The following CLDN16 variants were observed in gnomAD, a reference collection of about 807,000 sequenced individuals.
CLDN16 encodes claudin 16, also known as claudin-16.
A neutral mutation model predicts 24.6 loss-of-function variants in CLDN16; 13 were observed. That is an observed-to-expected ratio of 0.53 (90% CI 0.34 to 0.84). The LOEUF (loss-of-function observed/expected upper bound fraction) is 0.84. CLDN16 is among the 40% of genes least tolerant of loss of function. CLDN16 has a pLI of 0.01. For missense variants in CLDN16, 298 were observed against 292.7 expected (o/e 1.02, Z -0.13); for synonymous variants, 116 against 106.7 (o/e 1.09, Z -0.54).
chr3:190,388,523 A>G, intron 1 of CLDN16, 80 bp downstream of exon 1: 2 of 1,185,176 alleles, frequency 1.7e-6, no homozygotes, highest in African/African-American at 1.5e-5. Flanking sequence ...TACAACATTC[A>G]GTATCTTTAC....
rs766553260 is a variant in CLDN16 at position 190,409,904 on chromosome 3, T to A, written c.576T>A (p.Asp192Glu). ...VLTCCLYLFK[D>E]VGPERNYPYS... is the part of the protein sequence containing the mutation. ...TATTTTTATATTTCTTTCAAACAGA[T>A]GTTGGACCTGAGAGAAACTATCCTT... The change falls in exon 5 of 5, where the codon GAT (aspartate) becomes GAA (glutamate). Residue 192 changes from aspartate (D) to glutamate (E), a missense_variant and splice_region_variant. By Grantham distance (45) the Asp-to-Glu change is conservative. Coordinates refer to ENST00000264734, the MANE Select transcript of CLDN16 (RefSeq NM_006580.4). 1 of 1,613,948 alleles carries A rather than the reference T, an allele frequency of 6.2e-7. No homozygotes were observed. Among genetic ancestry groups the A allele is most frequent in the East Asian group, 2.2e-5 (1 of 44,872 alleles).
At chr3:190,328,716 T>C (rs1251728331) in intron 1 of CLDN16, among the ~76,000 whole-genome samples, 2 of 152,112 alleles carry the variant, frequency 1.3e-5, no homozygotes, top group African/African-American at 4.8e-5. Context: ...TATAGAGCAG[T>C]GTTACAAACT....
At chr3:190,377,774 T>C (rs9849757) in intron 3 of CLDN16, among the ~76,000 whole-genome samples, 121,847 of 151,908 alleles carry the variant, frequency 0.8, 49,034 homozygotes, top group East Asian at 0.89. Flanking sequence ...TCTGCCCTTA[T>C]GAATCTTACA....
At chr3:190,379,241 A>C (rs1052987373) in intron 3 of CLDN16, among the ~76,000 whole-genome samples, 1 of 152,050 alleles carries the variant, frequency 6.6e-6, no homozygotes, top group African/African-American at 2.4e-5. Flanking sequence ...ATTCCAGTCC[A>C]TTTTTCTATT....
intron 3 of CLDN16, among the ~76,000 whole-genome samples, chr3:190,405,456 A>G (rs1719074627): frequency 6.6e-6 from 1 of 150,526 alleles, no homozygotes; most frequent in African/African-American, 2.5e-5. Flanking sequence ...AAGGAAATAA[A>G]GAAAAAAAAA....
the CLDN16 span, among the ~76,000 whole-genome samples, chr3:190,316,434 C>T: frequency 2.6e-5 from 4 of 152,144 alleles, no homozygotes; most frequent in Non-Finnish European, 5.9e-5. Context: ...TAGTCACGCA[C>T]AAAAAGCTGA....
intron 1 of CLDN16, among the ~76,000 whole-genome samples, chr3:190,366,318 A>G (rs1718020709): frequency 6.6e-6 from 1 of 151,974 alleles, no homozygotes; most frequent in Non-Finnish European, 1.5e-5. Context: ...ATCACCAGTG[A>G]AACTTTTAAC....
intron 1 of CLDN16, among the ~76,000 whole-genome samples, chr3:190,328,600 T>A (rs971797195): frequency 2.0e-5 from 3 of 152,024 alleles, no homozygotes; most frequent in Admixed American, 2.0e-4. Context: ...TGTGGTAGGC[T>A]GGCTGTGACT....
chr3:190,300,919 A>G, the CLDN16 span, among the ~76,000 whole-genome samples: 1 of 152,216 alleles, frequency 6.6e-6, no homozygotes, highest in Non-Finnish European at 1.5e-5. Context: ...CTCACAGTGA[A>G]AAAAAGAATG....
rs569958038 is a variant in CLDN16 at position 190,362,529 on chromosome 3, A to G, written n.122-8364A>G. ...GGAGACTGATTTGAGTAATAATAAA[A>G]CTCCAGTATCCCGCAGAGCTGGCTC... is the stretch of plus-strand genomic sequence containing the variant. On this transcript the variant is annotated intron_variant and non_coding_transcript_variant, in intron 1 of 4. Coordinates refer to the CLDN16 transcript ENST00000468220. 2.6e-5 allele frequency among the ~76,000 whole-genome samples: 4 copies of G among 151,492 alleles called. No individual in the cohort carries two copies. In the East Asian group the frequency reaches 7.8e-4, roughly 30 times the overall value.
chr3:190,324,312 G>A (rs1388562055), intron 1 of CLDN16, among the ~76,000 whole-genome samples: 17 of 151,960 alleles, frequency 1.1e-4, no homozygotes, highest in Admixed American at 6.6e-4. Context: ...GTGAAACCCC[G>A]TCTCTACTAA....
rs527594724 is a variant in CLDN16, at chr3:190,339,979, A to T, written n.121+17318A>T. ...AGATTATACATCATAATCAAGTGAG[A>T]TTTATCCCTGGAATAAAAGGTTGGT... is the stretch of plus-strand genomic sequence containing the variant. On this transcript the variant is annotated intron_variant and non_coding_transcript_variant, in intron 1 of 4. Coordinates refer to the CLDN16 transcript ENST00000468220. Among the ~76,000 whole-genome samples the T allele has an allele frequency of 5.9e-5, 9 of 152,350 alleles. No homozygotes were observed. In the East Asian group the frequency reaches 9.7e-4, roughly 16 times the overall value.
At chr3:190,345,152 G>C (rs961484012) in intron 1 of CLDN16, among the ~76,000 whole-genome samples, 1 of 152,138 alleles carries the variant, frequency 6.6e-6, no homozygotes. Context: ...TTAAGTTCCT[G>C]GTTCTTGTTG....
intron 2 of CLDN16, 90 bp downstream of exon 2, chr3:190,402,529 T>C (rs893701631): frequency 3.1e-6 from 3 of 983,210 alleles, no homozygotes; most frequent in Non-Finnish European, 4.9e-6. Context: ...TGTTTTCTAT[T>C]GTACTATATT....
chr3:190,384,137 G>T (rs2108655259), upstream of CLDN16, among the ~76,000 whole-genome samples: 1 of 152,200 alleles, frequency 6.6e-6, no homozygotes, highest in East Asian at 1.9e-4. Flanking sequence ...GTTATAGCTA[G>T]CATGGCCTTT....
At chr3:190,339,033 A>G (rs1362020027) in intron 1 of CLDN16, among the ~76,000 whole-genome samples, 1 of 152,202 alleles carries the variant, frequency 6.6e-6, no homozygotes, top group Non-Finnish European at 1.5e-5. Flanking sequence ...TGACAAGTGC[A>G]GGGATAAGAC....
upstream of CLDN16, among the ~76,000 whole-genome samples, chr3:190,319,933 G>A (rs942532839): frequency 1.1e-4 from 17 of 152,224 alleles, no homozygotes; most frequent in African/African-American, 4.1e-4. Flanking sequence ...ACACCTGTGA[G>A]TCAAGGGTCC....
At chr3:190,365,748 T>C (rs933314121) in intron 1 of CLDN16, among the ~76,000 whole-genome samples, 3 of 151,636 alleles carry the variant, frequency 2.0e-5, no homozygotes, top group Admixed American at 1.3e-4. Context: ...GTCTCCCAGA[T>C]TCGCCAGTCT....
At chr3:190,407,980 AT>A (rs1481660510) in intron 3 of CLDN16, among the ~76,000 whole-genome samples, 2 of 152,194 alleles carry the variant, frequency 1.3e-5, no homozygotes, top group Non-Finnish European at 2.9e-5. Flanking sequence ...TTGTTTTAGT[AT>A]TTTCCTTTAT....
Sources: gnomAD v4.1 joint callset for allele counts (sites outside exome capture counted in the v4.1 genomes callset) on GRCh38, gnomAD v4.1.1 for gene constraint, MANE v1.5 for transcripts, NCBI Gene and HGNC (gene_info 2026-07-23, HGNC 2026-07-21) for gene names.